Variants in ARMC8 observed in about 807,000 individuals in gnomAD.
ARMC8 encodes the protein armadillo repeat-containing protein 8.
Under a neutral mutation model 99.3 loss-of-function variants are expected in ARMC8, and 20 were observed. That is an observed-to-expected ratio of 0.20 (90% confidence interval 0.14 to 0.29). The LOEUF (loss-of-function observed/expected upper bound fraction) is 0.29, where lower values mean the gene tolerates loss of function less well. Among genes scored for constraint, ARMC8 ranks in the 10% least tolerant of loss-of-function variants. The pLI is 1.00. For missense variants in ARMC8, 569 were observed against 809.5 expected (o/e 0.70, Z 3.60); for synonymous variants, 263 against 278.3 (o/e 0.95, Z 0.55).
At chr3:138,258,298 C>G (rs2108240028) in intron 12 of ARMC8, among the ~76,000 whole-genome samples, 1 of 152,238 alleles carries the variant, frequency 6.6e-6, no homozygotes, top group South Asian at 2.1e-4. Flanking sequence ...TAAAGTTTTT[C>G]TAGTATCAAG....
chr3:138,192,124 A>G (rs982683905), intron 1 of ARMC8, among the ~76,000 whole-genome samples: 2 of 152,042 alleles, frequency 1.3e-5, no homozygotes, highest in Non-Finnish European at 2.9e-5. Flanking sequence ...TATATGAGAC[A>G]TTGTTTCTCT....
intron 1 of ARMC8, among the ~76,000 whole-genome samples, chr3:138,207,148 T>G (rs1324632555): frequency 6.6e-6 from 1 of 152,244 alleles, no homozygotes; most frequent in East Asian, 1.9e-4. Flanking sequence ...CATTGATTCT[T>G]TCTTTCCTTG....
intron 12 of ARMC8, chr3:138,262,633 C>G (rs2047866525): frequency 1.4e-5 from 22 of 1,518,440 alleles, no homozygotes; most frequent in Non-Finnish European, 1.9e-5. Context: ...CTAGCCCTGA[C>G]CCTGGAGAAT....
At chr3:138,294,717 G>A (rs2051304447) in intron 21 of ARMC8, among the ~76,000 whole-genome samples, 1 of 152,076 alleles carries the variant, frequency 6.6e-6, no homozygotes, top group Non-Finnish European at 1.5e-5. Context: ...GCTGAAACCT[G>A]ACTTCCTAAC....
chr3:138,208,423 T>C (rs555416188), intron 1 of ARMC8, among the ~76,000 whole-genome samples: 7 of 152,312 alleles, frequency 4.6e-5, no homozygotes, highest in African/African-American at 1.7e-4. Flanking sequence ...GCCAAGATCA[T>C]GCTGCTGGAC....
chr3:138,267,345 A>G, intron 15 of ARMC8, 104 bp downstream of exon 15: 1 of 636,226 alleles, frequency 1.6e-6, no homozygotes, highest in Non-Finnish European at 2.6e-6. Flanking sequence ...TGGGTTTAAA[A>G]ACTACTTCGG....
chr3:138,200,739 T>A (rs756605613), intron 1 of ARMC8, among the ~76,000 whole-genome samples: 1 of 152,038 alleles, frequency 6.6e-6, no homozygotes, highest in Non-Finnish European at 1.5e-5. Context: ...CCATCTCCCC[T>A]CCAGTGTGTG....
rs138303983 is a variant in ARMC8, at chr3:138,246,406, A to G, written c.1134+1223A>G. ...ATTTCAAAGCAAACATACTAGTGAT[A>G]TATATATGATTTATGGATGTTGACG... On this transcript the variant is annotated intron_variant, in intron 12 of 21. Transcript: ENST00000469044. 8 of 979,452 alleles carry G rather than the reference A, an allele frequency of 8.2e-6. No individual in the cohort carries two copies. In the East Asian group the frequency reaches 7.0e-4, roughly 86 times the overall value. The allele number at this position is 979,452 out of a possible 1,614,324, so 60.7% of individuals were successfully genotyped here.
At chr3:138,202,494 C>T (rs1438161979) in intron 1 of ARMC8, among the ~76,000 whole-genome samples, 1 of 152,068 alleles carries the variant, frequency 6.6e-6, no homozygotes, top group African/African-American at 2.4e-5. Flanking sequence ...GCAAATTACC[C>T]TCTTTGCACA....
chr3:138,190,281 CTTTTTTTT>C (rs141579108), intron 1 of ARMC8, among the ~76,000 whole-genome samples: 2 of 114,360 alleles, frequency 1.7e-5, no homozygotes, highest in African/African-American at 3.6e-5. Flanking sequence ...ATTTTCTTAT[CTTTTTTTT>C]TTTTTTTTTT....
At chr3:138,216,893 A>G (rs1444679658) in intron 2 of ARMC8, among the ~76,000 whole-genome samples, 1 of 152,156 alleles carries the variant, frequency 6.6e-6, no homozygotes, top group African/African-American at 2.4e-5. Context: ...ATATATAGTC[A>G]TGCTCTACAC....
chr3:138,270,184 G>A, intron 16 of ARMC8, 52 bp downstream of exon 16: 1 of 1,307,372 alleles, frequency 7.6e-7, no homozygotes, highest in South Asian at 1.2e-5. Flanking sequence ...TACAGCTATT[G>A]TCTAAGTTAG....
intron 5 of ARMC8, among the ~76,000 whole-genome samples, chr3:138,225,559 C>T (rs1323951022): frequency 6.6e-6 from 1 of 152,272 alleles, no homozygotes; most frequent in South Asian, 2.1e-4. Flanking sequence ...CCTCACTATA[C>T]ATGTCAGTTT....
chr3:138,196,876 T>A lies in ARMC8; in HGVS notation c.45+9277T>A, dbSNP rs79487527. The stretch of plus-strand genomic sequence containing the variant: ...GAGTGAAACTCCGTCTCAAAAAAAA[T>A]TTTTTTTTAAGTCATTTAAAATCAT... On this transcript the variant is annotated intron_variant, in intron 1 of 21. Transcript: ENST00000469044. Among the ~76,000 whole-genome samples, 36 of 151,760 alleles carry A rather than the reference T, an allele frequency of 2.4e-4. No homozygotes were observed. The East Asian group carries it at 2.9e-3, about 12-fold the overall frequency.
chr3:138,200,883 A>G (rs1040506755), intron 1 of ARMC8, among the ~76,000 whole-genome samples: 2 of 145,972 alleles, frequency 1.4e-5, no homozygotes, highest in African/African-American at 2.5e-5. Flanking sequence ...CTTTGTTGAA[A>G]TGTACACACC....
intron 1 of ARMC8, among the ~76,000 whole-genome samples, chr3:138,191,250 A>T (rs191855790): frequency 6.6e-6 from 1 of 152,240 alleles, no homozygotes; most frequent in African/African-American, 2.4e-5. Context: ...AGACTGCACT[A>T]TGACCACCCC....
chr3:138,201,250 A>C (rs529024870), intron 1 of ARMC8, among the ~76,000 whole-genome samples: 8 of 19,844 alleles, frequency 4.0e-4, no homozygotes, highest in Non-Finnish European at 2.7e-4. Context: ...TAGTGTCTGC[A>C]TAGCTGTTTA....
At chr3:138,188,392 TA>T (rs557495339) in intron 1 of ARMC8, 103 of 1,439,730 alleles carry the variant, frequency 7.2e-5, no homozygotes, top group Middle Eastern at 3.8e-4. Flanking sequence ...TTTTTTTTTT[TA>T]AAAAAAGTTT....
chr3:138,201,950 T>C (rs1428919578), intron 1 of ARMC8, among the ~76,000 whole-genome samples: 2 of 152,260 alleles, frequency 1.3e-5, no homozygotes, highest in Non-Finnish European at 2.9e-5. Context: ...GTTTACATGG[T>C]GTTTCCTTTC....
Sources: gnomAD v4.1 joint callset for allele counts (sites outside exome capture counted in the v4.1 genomes callset) on GRCh38, gnomAD v4.1.1 for gene constraint, MANE v1.5 for transcripts, NCBI Gene and HGNC (gene_info 2026-07-23, HGNC 2026-07-21) for gene names.